NBPF19: variants seen among roughly 807,000 people sequenced by gnomAD.
NBPF19 encodes the protein NBPF member 19.
Under a neutral mutation model 45.9 loss-of-function variants are expected in NBPF19, and 30 were observed. That is an observed-to-expected ratio of 0.65 (90% CI 0.49 to 0.89). NBPF19 has a LOEUF of 0.89. Ranked by LOEUF, NBPF19 falls within the 40% of genes least tolerant of loss-of-function variation. The pLI is 0.00. For synonymous variants in NBPF19, 183 were observed against 181.2 expected, an observed-to-expected ratio of 1.01 and a Z score of -0.08; for missense variants, 495 against 471.8, an observed-to-expected ratio of 1.05 and a Z score of -0.46.
At chr1:149,487,884 T>C (rs1175051633) in intron 9 of NBPF19, 129 bp from the exon 10 acceptor site, 4 of 727,062 alleles carry the variant, frequency 5.5e-6, no homozygotes, top group Middle Eastern at 3.7e-4. Flanking sequence ...GGCAATAATT[T>C]GTTACCTCAC....
rs1482547996 is a variant in NBPF19, at chr1:149,479,899, A to G, written c.494-243A>G. 8.6e-5 allele frequency among the ~76,000 whole-genome samples: 13 copies of G among 150,918 alleles called. 2 individuals carry two copies. Among genetic ancestry groups the G allele is most frequent in the Admixed American group, 4.0e-4 (6 of 15,122 alleles). ...AGAGGCTGCACAAGCCTCCAGTGAT[A>G]TGGGAAGCAAAAGGTCTTTTCAATA... On this transcript the variant is annotated intron_variant, in intron 4 of 93. Coordinates refer to ENST00000651566, the MANE Select transcript of NBPF19 (RefSeq NM_001351365.2).
At position 149,554,588 on chromosome 1, in the gene NBPF19, A is replaced by G; in HGVS notation, c.11382A>G (p.Leu3794=). Residue 3794 remains leucine, a synonymous_variant, in exon 94 of 94, where the codon CTA becomes CTG. Transcript: ENST00000651566. ...CYSTPSMYFE[L]PDSFQHYRSV... The stretch of plus-strand genomic sequence containing the variant: ...CGACTCCGTCAATGTACTTTGAACT[A>G]CCTGACTCATTCCAGCACTACAGAA... 4.4e-6 allele frequency: 7 copies of G among 1,608,224 alleles called. 1 individual carries two copies. Among genetic ancestry groups the G allele is most frequent in the East Asian group, 2.2e-5 (1 of 44,850 alleles).
chr1:149,481,769 T>G, intron 6 of NBPF19, among the ~76,000 whole-genome samples: 1 of 148,082 alleles, frequency 6.8e-6, no homozygotes, highest in Middle Eastern at 3.5e-3. Context: ...AAAGCAAGAG[T>G]TGTTAAAATT....
At position 149,554,090 on chromosome 1, in the gene NBPF19, A is replaced by T. The variant is rs1225115200; in HGVS notation, c.11288+208A>T. On this transcript the variant is annotated intron_variant, in intron 93 of 93. Coordinates refer to ENST00000651566, the MANE Select transcript of NBPF19 (RefSeq NM_001351365.2). ...TACTAGCGTACCATAGGTTGACCAT[A>T]CTTCAAAAGCTGTACTCTCATGGCC... Among the ~76,000 whole-genome samples the T allele has an allele frequency of 1.5e-5, 2 of 131,992 alleles. 1 individual carries two copies. The highest frequency in any genetic ancestry group is 3.3e-5 in the Non-Finnish European group (2 of 60,730). The allele number at this position is 131,992 out of a possible 152,430, so 86.6% of individuals were successfully genotyped here. A position where few individuals can be genotyped will look rare whatever the true frequency, so the allele number is the denominator to read the frequency against.
Position 149,555,983 on chromosome 1 carries a change from T to A in NBPF19, c.*1245T>A, listed in dbSNP as rs1386290149. 7.0e-6 allele frequency: 1 copy of A among 143,364 alleles called. No homozygotes were observed. Among genetic ancestry groups the A allele is most frequent in the Non-Finnish European group, 1.5e-5 (1 of 64,828 alleles). The allele number at this position is 143,364 out of a possible 1,614,324, so 8.9% of individuals were successfully genotyped here. A position where few individuals can be genotyped will look rare whatever the true frequency, so the allele number is the denominator to read the frequency against. On this transcript the variant is annotated 3_prime_UTR_variant, in exon 94 of 94. Transcript: ENST00000651566. Reference sequence around the variant, plus strand: ...GTCCCTTTTAGAGACACCTTACTTATAATGAAGTACTTGGGAAAGCGGTTT... The same window carrying A: ...GTCCCTTTTAGAGACACCTTACTTAAAATGAAGTACTTGGGAAAGCGGTTT...
At chr1:149,487,781 G>A (rs1189915171) in intron 9 of NBPF19, among the ~76,000 whole-genome samples, 3 of 115,664 alleles carry the variant, frequency 2.6e-5, no homozygotes, top group Non-Finnish European at 5.5e-5. Flanking sequence ...CGCTCTGTGT[G>A]TGTGTGTGTG....
Position 149,554,445 on chromosome 1 carries a change from T to A in NBPF19, c.11289-50T>A, listed in dbSNP as rs2087183672. On this transcript the variant is annotated intron_variant, in intron 93 of 93. Coordinates refer to ENST00000651566, the MANE Select transcript of NBPF19 (RefSeq NM_001351365.2). ...ACTTCTGAAATCTAGTGGGGCTCTG[T>A]GGTGTCTGATTTTCCCTGGCTGCTT... The A allele has an allele frequency of 7.5e-6, 12 of 1,608,132 alleles. 1 individual carries two copies. Among genetic ancestry groups the A allele is most frequent in the Non-Finnish European group, 9.3e-6 (11 of 1,176,660 alleles).
intron 93 of NBPF19, 90 bp from the exon 94 acceptor site, chr1:149,554,405 C>A: frequency 3.1e-6 from 5 of 1,603,976 alleles, no homozygotes; most frequent in African/African-American, 1.3e-5. Context: ...TCTTTTCTAA[C>A]CACTTCCTTA....
At chr1:149,509,957 C>CGTGTGT (rs1203453885) in intron 37 of NBPF19, among the ~76,000 whole-genome samples, 14 of 46,102 alleles carry the variant, frequency 3.0e-4, no homozygotes, top group Non-Finnish European at 3.8e-4. Flanking sequence ...TGTGTGTGTG[C>CGTGTGT]GTGTGTGTGT....
Position 149,475,520 on chromosome 1 carries a change from G to A in NBPF19, c.-311G>A, listed in dbSNP as rs2084769890. ...GAATGCTGAAGGAATGATCCCCATT[G>A]GTGGTGACCCTCAGGTGAAAGTAGG... On this transcript the variant is annotated 5_prime_UTR_variant, in exon 1 of 94. Transcript: ENST00000651566. 1 of 676,142 alleles carries A rather than the reference G, an allele frequency of 1.5e-6. No homozygotes were observed. Among genetic ancestry groups the A allele is most frequent in the Non-Finnish European group, 2.5e-6 (1 of 399,560 alleles). The allele number at this position is 676,142 out of a possible 1,614,324, so 41.9% of individuals were successfully genotyped here. A position where few individuals can be genotyped will look rare whatever the true frequency, so the allele number is the denominator to read the frequency against.
intron 9 of NBPF19, among the ~76,000 whole-genome samples, chr1:149,487,723 G>C (rs1170606931): frequency 0.068 from 10,137 of 148,986 alleles, 355 homozygotes; most frequent in Middle Eastern, 0.087. Flanking sequence ...AATACAGAGT[G>C]TCCTTTGACT....
chr1:149,554,979 G>A lies in NBPF19; in HGVS notation c.*241G>A, dbSNP rs1450938815. The A allele has an allele frequency of 6.5e-5, 46 of 702,608 alleles. No homozygotes were observed. Among genetic ancestry groups the A allele is most frequent in the South Asian group, 2.2e-4 (11 of 50,874 alleles). 43.5% of individuals were successfully genotyped at this position (702,608 alleles called of 1,614,324 possible). ...CAGCACATGCCGGGAGTGATCAGTC[G>A]GACATTTTAATTTGAACCACGTATC... On this transcript the variant is annotated 3_prime_UTR_variant, in exon 94 of 94. Coordinates refer to ENST00000651566, the MANE Select transcript of NBPF19 (RefSeq NM_001351365.2).
rs1219803937 is a variant in NBPF19, at chr1:149,487,775, CTGTGTGTGTG to C, written c.1041-198_1041-189del. On this transcript the variant is annotated intron_variant, in intron 9 of 93. Transcript: ENST00000651566. ...ACCTGACCAATTGACTGAGCTCGCT[CTGTGTGTGTG>C]TGTGTGTGTGTGTGTGTGTGTGTGT... 5.1e-3 allele frequency among the ~76,000 whole-genome samples: 660 copies of C among 128,616 alleles called. 1 individual carries two copies. The highest frequency in any genetic ancestry group is 7.1e-3 in the Non-Finnish European group (424 of 59,912). 84.4% of individuals were successfully genotyped at this position (128,616 alleles called of 152,430 possible).
intron 7 of NBPF19, among the ~76,000 whole-genome samples, chr1:149,484,359 A>C: frequency 1.5e-5 from 1 of 65,118 alleles, no homozygotes; most frequent in African/African-American, 6.5e-5. Flanking sequence ...GGGTGGGGGG[A>C]GGGAGGAGGG....
chr1:149,481,498 T>G (rs1220546700), intron 6 of NBPF19, among the ~76,000 whole-genome samples: 14,808 of 96,664 alleles, frequency 0.15, 1 homozygote, highest in Non-Finnish European at 0.2. Context: ...TTTTTTTTTT[T>G]GCAATGGAGT....
rs2085010084 is a variant in NBPF19 at position 149,478,974 on chromosome 1, G to T, written c.373G>T (p.Glu125Ter). 1 of 1,598,266 alleles carries T rather than the reference G, an allele frequency of 6.3e-7. No individual in the cohort carries two copies. Among genetic ancestry groups the T allele is most frequent in the Non-Finnish European group, 8.6e-7 (1 of 1,167,842 alleles). Reference sequence around the variant, plus strand: ...GAGAGATGCCTCCCGCTCATTGAATGAGCATCTCCAGGCCCTCCTCACTCC... The same window carrying T: ...GAGAGATGCCTCCCGCTCATTGAATTAGCATCTCCAGGCCCTCCTCACTCC... ...EGRDASRSLN[E>*]HLQALLTPDE... Residue 125 changes from glutamate to a stop codon, truncating the protein, a stop_gained, in exon 4 of 94, where the codon GAG (glutamate) becomes TAG (stop). Transcript: ENST00000651566. LOFTEE classifies it high-confidence loss of function.
chr1:149,484,663 A>T (rs1321220406), intron 7 of NBPF19, among the ~76,000 whole-genome samples: 6 of 143,114 alleles, frequency 4.2e-5, no homozygotes, highest in Admixed American at 7.1e-5. Context: ...GGGTAATCCA[A>T]CCTTTCTCTC....
chr1:149,479,736 C>A (rs2085060984), intron 4 of NBPF19, among the ~76,000 whole-genome samples: 3 of 150,142 alleles, frequency 2.0e-5, no homozygotes, highest in African/African-American at 7.4e-5. Context: ...TCTCATGACG[C>A]ATAGAGGACT....
Position 149,554,456 on chromosome 1 carries a change from T to A in NBPF19, c.11289-39T>A, listed in dbSNP as rs2087186356. ...CTAGTGGGGCTCTGTGGTGTCTGAT[T>A]TTCCCTGGCTGCTTCTTTAGTTTTG... On this transcript the variant is annotated intron_variant, in intron 93 of 93. Coordinates refer to ENST00000651566, the MANE Select transcript of NBPF19 (RefSeq NM_001351365.2). 6 of 1,608,072 alleles carry A rather than the reference T, an allele frequency of 3.7e-6. No individual in the cohort carries two copies. The African/African-American group carries it at 5.4e-5, about 14-fold the overall frequency.
Sources: gnomAD v4.1 joint callset for allele counts (sites outside exome capture counted in the v4.1 genomes callset) on GRCh38, gnomAD v4.1.1 for gene constraint, MANE v1.5 for transcripts, NCBI Gene and HGNC (gene_info 2026-07-23, HGNC 2026-07-21) for gene names.